The following LRRC37A2 variants were observed in gnomAD, a reference collection of about 807,000 sequenced individuals.
LRRC37A2 encodes leucine-rich repeat-containing protein 37A2.
In LRRC37A2, 9 loss-of-function variants were observed where a neutral mutation model predicts 68.8. That is an observed-to-expected ratio of 0.13 (90% CI 0.08 to 0.23). The LOEUF is 0.23. Ranked by LOEUF, LRRC37A2 falls within the 10% of genes least tolerant of loss-of-function variation. The pLI, the probability that LRRC37A2 is intolerant of heterozygous loss-of-function variation, is 1.00. For missense variants in LRRC37A2, 168 were observed against 950.4 expected, an observed-to-expected ratio of 0.18 and a Z score of 10.82; for synonymous variants, 63 against 367.6, an observed-to-expected ratio of 0.17 and a Z score of 9.48.
At chr17:46,748,372 A>C in the LRRC37A2 span, among the ~76,000 whole-genome samples, 3 of 152,170 alleles carry the variant, frequency 2.0e-5, no homozygotes, top group African/African-American at 7.2e-5. Context: ...TCGGCCTCCC[A>C]CAGCACTGGA....
chr17:46,956,793 C>T, the LRRC37A2 span, among the ~76,000 whole-genome samples: 2 of 152,194 alleles, frequency 1.3e-5, no homozygotes, highest in African/African-American at 4.8e-5. Context: ...CATCTGCTCT[C>T]GTCAGCATGC....
the LRRC37A2 span, among the ~76,000 whole-genome samples, chr17:46,980,372 TTC>T: frequency 6.6e-6 from 1 of 151,194 alleles, no homozygotes; most frequent in East Asian, 1.9e-4. Flanking sequence ...CTTTCTCTTC[TTC>T]TTTCTCTTCT....
chr17:46,980,561 G>A, the LRRC37A2 span, among the ~76,000 whole-genome samples: 829 of 151,392 alleles, frequency 5.5e-3, 4 homozygotes, highest in Non-Finnish European at 6.2e-3. Context: ...GGTGGCTCAC[G>A]CCTGTAATCC....
the LRRC37A2 span, chr17:47,021,681 T>A: frequency 1.4e-6 from 1 of 709,298 alleles, no homozygotes; most frequent in Non-Finnish European, 2.3e-6. Flanking sequence ...TGACCCCGCA[T>A]AATTTCTTGA....
chr17:46,382,992 CG>C, the LRRC37A2 span, among the ~76,000 whole-genome samples: 3 of 93,838 alleles, frequency 3.2e-5, no homozygotes, highest in South Asian at 9.6e-4. Flanking sequence ...TTATTTTTCC[CG>C]GAATGTACAT....
chr17:46,935,276 T>A, the LRRC37A2 span: 4 of 1,599,260 alleles, frequency 2.5e-6, no homozygotes, highest in Non-Finnish European at 3.4e-6. Flanking sequence ...ATTGTGATAT[T>A]TTGATGACAA....
the LRRC37A2 span, among the ~76,000 whole-genome samples, chr17:46,852,376 AGT>A: frequency 2.5e-3 from 377 of 148,518 alleles, 3 homozygotes; most frequent in Admixed American, 4.0e-3. Flanking sequence ...CACTGGAAAG[AGT>A]GAGAGGGCCC....
At chr17:46,896,365 AAGAG>A in the LRRC37A2 span, among the ~76,000 whole-genome samples, 11 of 149,378 alleles carry the variant, frequency 7.4e-5, no homozygotes, top group African/African-American at 1.7e-4. Context: ...AAAAGAAAGA[AAGAG>A]AGAGAGAGAA....
At chr17:46,753,495 TTTG>T in the LRRC37A2 span, among the ~76,000 whole-genome samples, 1 of 152,180 alleles carries the variant, frequency 6.6e-6, no homozygotes, top group Non-Finnish European at 1.5e-5. Flanking sequence ...GACTAACCAC[TTTG>T]TTTAGACTTA....
chr17:46,785,760 C>CTA, the LRRC37A2 span, among the ~76,000 whole-genome samples: 1 of 152,232 alleles, frequency 6.6e-6, no homozygotes, highest in African/African-American at 2.4e-5. Flanking sequence ...TGGCCACAGA[C>CTA]TATACCTCAG....
At chr17:46,827,436 G>A in the LRRC37A2 span, among the ~76,000 whole-genome samples, 1 of 152,188 alleles carries the variant, frequency 6.6e-6, no homozygotes, top group Non-Finnish European at 1.5e-5. Context: ...AGCTGCAGCA[G>A]CCATTCTGTG....
chr17:46,957,348 C>T, the LRRC37A2 span, among the ~76,000 whole-genome samples: 1 of 152,192 alleles, frequency 6.6e-6, no homozygotes, highest in Non-Finnish European at 1.5e-5. Flanking sequence ...CGCTGTGGCT[C>T]ACGCCTGTAT....
the LRRC37A2 span, among the ~76,000 whole-genome samples, chr17:46,785,824 T>G: frequency 6.6e-6 from 1 of 151,012 alleles, no homozygotes; most frequent in Admixed American, 6.6e-5. Flanking sequence ...CCCTGTGGGA[T>G]GTTTCTTTGG....
At chr17:46,910,616 T>C in the LRRC37A2 span, among the ~76,000 whole-genome samples, 1 of 152,202 alleles carries the variant, frequency 6.6e-6, no homozygotes, top group Non-Finnish European at 1.5e-5. Context: ...ACTGATTATG[T>C]GTGGAAAGTC....
chr17:46,721,665 G>A, the LRRC37A2 span: 4 of 1,602,120 alleles, frequency 2.5e-6, no homozygotes, highest in South Asian at 2.2e-5. Context: ...TCAACCTTGT[G>A]TTCCACATTG....
the LRRC37A2 span, chr17:46,930,651 C>CT: frequency 1.7e-3 from 155 of 91,466 alleles, no homozygotes; most frequent in Middle Eastern, 0.013. Context: ...TTCCTTTATG[C>CT]TTTTTTTTTT....
the LRRC37A2 span, chr17:46,721,720 A>G: frequency 4.4e-6 from 7 of 1,606,450 alleles, no homozygotes; most frequent in Non-Finnish European, 5.1e-6. Flanking sequence ...GCCGGCTGCT[A>G]TCTAGTTTGA....
the LRRC37A2 span, among the ~76,000 whole-genome samples, chr17:46,503,008 G>A: frequency 2.0e-5 from 3 of 150,650 alleles, no homozygotes; most frequent in African/African-American, 7.5e-5. Flanking sequence ...GTCAGGAGAT[G>A]GAGATCATCC....
At chr17:46,786,022 T>A in the LRRC37A2 span, among the ~76,000 whole-genome samples, 2 of 152,316 alleles carry the variant, frequency 1.3e-5, no homozygotes, top group Non-Finnish European at 2.9e-5. Context: ...TTTTTTGTTG[T>A]GTTGTGAGCA....
Sources: gnomAD v4.1 joint callset for allele counts (sites outside exome capture counted in the v4.1 genomes callset) on GRCh38, gnomAD v4.1.1 for gene constraint, MANE v1.5 for transcripts, NCBI Gene and HGNC (gene_info 2026-07-23, HGNC 2026-07-21) for gene names.